DPH6: variants seen among roughly 807,000 people sequenced by gnomAD.
DPH6 encodes diphthamine biosynthesis 6, also known as diphthine--ammonia ligase.
DPH6 carries 33 observed loss-of-function variants against 38.2 expected under a neutral mutation model. The ratio of observed to expected loss-of-function variants is 0.86; its 90% CI spans 0.65 to 1.15. The LOEUF (loss-of-function observed/expected upper bound fraction) is 1.15, where lower values mean the gene tolerates loss of function less well. DPH6 is among the 50% of genes most tolerant of loss of function. The probability of loss-of-function intolerance (pLI) is 0.00; values close to 1 mark genes in which losing one functional copy is unlikely to be tolerated. For synonymous variants in DPH6, 108 were observed against 103.0 expected (o/e 1.05, Z -0.30); for missense variants, 325 against 320.0 (o/e 1.02, Z -0.12).
intron 3 of DPH6, chr15:35,520,251 A>T (rs181761036): frequency 1.1e-6 from 1 of 883,600 alleles, no homozygotes; most frequent in East Asian, 1.2e-4. Flanking sequence ...CAAAAGAAGA[A>T]GAATCAAAAC....
chr15:35,342,554 C>A (rs1256671193), intron 3 of DPH6, among the ~76,000 whole-genome samples: 1 of 152,202 alleles, frequency 6.6e-6, no homozygotes. Flanking sequence ...GCTAAATTCA[C>A]TCAAAGCTTT....
At chr15:35,431,291 T>C (rs1389794950) in intron 5 of DPH6, among the ~76,000 whole-genome samples, 1 of 152,194 alleles carries the variant, frequency 6.6e-6, no homozygotes, top group East Asian at 1.9e-4. Flanking sequence ...TTCAAGAAAC[T>C]TTTGTACCTA....
At chr15:35,268,821 A>G (rs2051802337) in intron 3 of DPH6, among the ~76,000 whole-genome samples, 1 of 152,072 alleles carries the variant, frequency 6.6e-6, no homozygotes, top group African/African-American at 2.4e-5. Context: ...GTGAGGGCAC[A>G]TGAGGAGGAA....
chr15:35,453,607 A>G (rs966360218), intron 4 of DPH6, among the ~76,000 whole-genome samples: 7 of 152,130 alleles, frequency 4.6e-5, no homozygotes, highest in African/African-American at 7.2e-5. Context: ...CAAAATACAC[A>G]TGACCTCCTT....
At chr15:35,277,651 C>T (rs1177560805) in intron 3 of DPH6, among the ~76,000 whole-genome samples, 1 of 152,042 alleles carries the variant, frequency 6.6e-6, no homozygotes, top group Non-Finnish European at 1.5e-5. Flanking sequence ...TGGTTATGAC[C>T]AGAATGTTGA....
chr15:35,392,710 T>C (rs2053076968), intron 6 of DPH6, among the ~76,000 whole-genome samples: 1 of 152,196 alleles, frequency 6.6e-6, no homozygotes, highest in Non-Finnish European at 1.5e-5. Context: ...TTTTGGCAGA[T>C]GCATGAAATG....
chr15:35,245,153 A>G (rs1318574272), intron 3 of DPH6, among the ~76,000 whole-genome samples: 1 of 151,914 alleles, frequency 6.6e-6, no homozygotes, highest in African/African-American at 2.4e-5. Flanking sequence ...TCATGATTCT[A>G]TGAAATCAGA....
chr15:35,240,396 A>G lies in DPH6; in HGVS notation n.201-19814T>C, dbSNP rs1410154061. Among the ~76,000 whole-genome samples the G allele has an allele frequency of 2.1e-5, 3 of 141,952 alleles. 1 individual carries two copies. Among genetic ancestry groups the G allele is most frequent in the African/African-American group, 7.6e-5 (3 of 39,232 alleles). 93.1% of individuals were successfully genotyped at this position (141,952 alleles called of 152,430 possible). ...TCCTGTCCCCTCAGTCCCAACCCCAAGCATCACTGAGTCTTTCTAATCTTC... is the reference window on the plus strand; with the variant it reads ...TCCTGTCCCCTCAGTCCCAACCCCAGGCATCACTGAGTCTTTCTAATCTTC... On this transcript the variant is annotated intron_variant and non_coding_transcript_variant, in intron 3 of 3. Transcript: ENST00000560386.
the DPH6 span, among the ~76,000 whole-genome samples, chr15:35,182,339 C>G: frequency 7.1e-6 from 1 of 141,252 alleles, no homozygotes; most frequent in Non-Finnish European, 1.5e-5. Context: ...ATATTATTAC[C>G]AAAAGTAATG....
downstream of DPH6, among the ~76,000 whole-genome samples, chr15:35,330,566 A>C (rs2052319661): frequency 6.6e-6 from 1 of 152,082 alleles, no homozygotes; most frequent in African/African-American, 2.4e-5. Flanking sequence ...TTTCTGAAAA[A>C]CTTAATTTAA....
intron 3 of DPH6, among the ~76,000 whole-genome samples, chr15:35,478,237 C>A (rs1031665243): frequency 5.9e-5 from 9 of 151,830 alleles, no homozygotes; most frequent in African/African-American, 2.2e-4. Flanking sequence ...CTAAATACAA[C>A]TGCTTACCAC....
chr15:35,312,055 CTT>C (rs1349507692), intron 3 of DPH6, among the ~76,000 whole-genome samples: 1 of 140,160 alleles, frequency 7.1e-6, no homozygotes, highest in Non-Finnish European at 1.5e-5. Context: ...AACAAACAAA[CTT>C]TACTTGGGTA....
chr15:35,401,817 G>T, intron 6 of DPH6: 1 of 570,986 alleles, frequency 1.8e-6, no homozygotes, highest in South Asian at 1.6e-5. Flanking sequence ...CAGAGAAGTT[G>T]ACAGCGAAAC....
chr15:35,493,299 T>C (rs1486825002), intron 3 of DPH6, among the ~76,000 whole-genome samples: 1 of 152,188 alleles, frequency 6.6e-6, no homozygotes, highest in Non-Finnish European at 1.5e-5. Context: ...AGAATTATAC[T>C]TCACAAATCT....
At chr15:35,344,712 A>G (rs2140882778) in intron 3 of DPH6, among the ~76,000 whole-genome samples, 1 of 152,028 alleles carries the variant, frequency 6.6e-6, no homozygotes, top group Non-Finnish European at 1.5e-5. Context: ...TGGACTCCAT[A>G]CTCTGTCTAA....
At chr15:35,464,202 G>A (rs2054099719) in intron 3 of DPH6, among the ~76,000 whole-genome samples, 1 of 151,808 alleles carries the variant, frequency 6.6e-6, no homozygotes. Context: ...GCTGAGGCAG[G>A]AGAATCACTT....
At chr15:35,250,474 T>A (rs1339845807) in intron 3 of DPH6, among the ~76,000 whole-genome samples, 2 of 152,286 alleles carry the variant, frequency 1.3e-5, no homozygotes, top group East Asian at 3.9e-4. Flanking sequence ...AACATGGCAG[T>A]TCAAATATAT....
At chr15:35,512,345 A>G (rs1346225589) in intron 3 of DPH6, among the ~76,000 whole-genome samples, 2 of 152,090 alleles carry the variant, frequency 1.3e-5, no homozygotes, top group Admixed American at 6.6e-5. Context: ...GGAAAACAGA[A>G]CCTAGTAGAA....
At chr15:35,227,971 T>C (rs1222946781) in intron 3 of DPH6, among the ~76,000 whole-genome samples, 3 of 152,210 alleles carry the variant, frequency 2.0e-5, no homozygotes, top group African/African-American at 7.2e-5. Context: ...TTTATTCCAT[T>C]GTGGTCACAG....
Sources: gnomAD v4.1 joint callset for allele counts (sites outside exome capture counted in the v4.1 genomes callset) on GRCh38, gnomAD v4.1.1 for gene constraint, MANE v1.5 for transcripts, NCBI Gene and HGNC (gene_info 2026-07-23, HGNC 2026-07-21) for gene names.